Variants in GABRG3 observed in about 807,000 individuals in gnomAD.
GABRG3 encodes the protein gamma-aminobutyric acid type A receptor subunit gamma3.
A neutral mutation model predicts 48.8 loss-of-function variants in GABRG3; 25 were observed. That is an observed-to-expected ratio of 0.51 (90% CI 0.37 to 0.72). GABRG3 has a LOEUF of 0.72. Among genes scored for constraint, GABRG3 ranks in the 30% least tolerant of loss-of-function variants. The pLI is 0.00. For synonymous variants in GABRG3, 227 were observed against 217.6 expected (o/e 1.04, Z -0.38); for missense variants, 394 against 577.9 (o/e 0.68, Z 3.26).
intron 6 of GABRG3, among the ~76,000 whole-genome samples, chr15:27,487,370 A>T (rs998233794): frequency 6.6e-6 from 1 of 152,208 alleles, no homozygotes; most frequent in African/African-American, 2.4e-5. Flanking sequence ...TATGGTTTTT[A>T]TTTGGCTCTC....
At chr15:27,306,767 C>CAT (rs543096147) in intron 3 of GABRG3, among the ~76,000 whole-genome samples, 1,233 of 35,742 alleles carry the variant, frequency 0.034, 49 homozygotes, top group Non-Finnish European at 0.07. Flanking sequence ...TATATATAAA[C>CAT]ATACAATATA....
chr15:27,105,034 A>G (rs1457799485), intron 3 of GABRG3, among the ~76,000 whole-genome samples: 3 of 152,218 alleles, frequency 2.0e-5, no homozygotes, highest in African/African-American at 7.2e-5. Flanking sequence ...GCTGTTTACA[A>G]GAAGCCCACT....
chr15:27,062,017 C>T (rs1390896993), intron 3 of GABRG3, among the ~76,000 whole-genome samples: 2 of 152,204 alleles, frequency 1.3e-5, no homozygotes, highest in African/African-American at 4.8e-5. Flanking sequence ...CTATACTTTG[C>T]CTTCTGGAGT....
chr15:27,255,550 G>A lies in GABRG3; in HGVS notation c.271-71259G>A, dbSNP rs148468243. On this transcript the variant is annotated intron_variant, in intron 3 of 9. Transcript: ENST00000615808. ...TCTGTTTCAGACCATTCCTTTTACC[G>A]ATATCTTTTCAAATGGCAGCTTGTA... 1.3e-4 allele frequency among the ~76,000 whole-genome samples: 20 copies of A among 152,226 alleles called. No individual in the cohort carries two copies. The East Asian group carries it at 2.9e-3, about 22-fold the overall frequency.
At chr15:27,254,336 G>A (rs1330267866) in intron 3 of GABRG3, among the ~76,000 whole-genome samples, 1 of 151,946 alleles carries the variant, frequency 6.6e-6, no homozygotes, top group Admixed American at 6.5e-5. Context: ...GATGCCGTCA[G>A]ATGGAGCATG....
intron 3 of GABRG3, among the ~76,000 whole-genome samples, chr15:27,041,069 G>A (rs538032603): frequency 3.9e-5 from 6 of 152,172 alleles, no homozygotes; most frequent in African/African-American, 7.2e-5. Flanking sequence ...TTGCAATGTC[G>A]AATGAACCAA....
Position 26,975,050 on chromosome 15 carries a change from T to G in GABRG3, c.54-1952T>G, listed in dbSNP as rs1251511727. On this transcript the variant is annotated intron_variant, in intron 1 of 9. Coordinates refer to ENST00000615808, the MANE Select transcript of GABRG3 (RefSeq NM_033223.5). This position sits in a 1 kb window ranked among gnomAD's most constrained non-coding sequence, Gnocchi z 4.6. Reference sequence around the variant, plus strand: ...CACCATGCCCCGCTAATTTTTTTTGTATTTTTAGTAGAGACGGGGTTTCAC... The same window carrying G: ...CACCATGCCCCGCTAATTTTTTTTGGATTTTTAGTAGAGACGGGGTTTCAC... 6.6e-6 allele frequency among the ~76,000 whole-genome samples: 1 copy of G among 151,818 alleles called. No homozygotes were observed. The highest frequency in any genetic ancestry group is 3.2e-3 in the Middle Eastern group (1 of 316).
chr15:27,532,608 C>T lies in GABRG3; in HGVS notation c.1131C>T (p.Ser377=). The change falls in exon 10 of 10, where the codon TCC becomes TCT. Residue 377 remains serine, a synonymous_variant. Coordinates refer to ENST00000615808, the MANE Select transcript of GABRG3 (RefSeq NM_033223.5). ...RISLQAPSNY[S]LLDMRPPPTA... ...ATTTTTGTTGCTTGCAGAACTATTC[C>T]CTCCTGGACATGAGGCCACCACCAA... 6.2e-7 allele frequency: 1 copy of T among 1,613,282 alleles called. No individual in the cohort carries two copies. Among genetic ancestry groups the T allele is most frequent in the Non-Finnish European group, 8.5e-7 (1 of 1,179,536 alleles).
chr15:27,176,541 AG>A (rs1476137966), intron 3 of GABRG3, among the ~76,000 whole-genome samples: 1 of 152,232 alleles, frequency 6.6e-6, no homozygotes, highest in Non-Finnish European at 1.5e-5. Flanking sequence ...AGGAACTGCA[AG>A]TAAAGGCATG....
At chr15:27,449,698 C>T (rs999036837) in intron 5 of GABRG3, among the ~76,000 whole-genome samples, 1 of 152,144 alleles carries the variant, frequency 6.6e-6, no homozygotes, top group Non-Finnish European at 1.5e-5. Context: ...GAAAAGTTAT[C>T]CACATGTACT....
intron 3 of GABRG3, among the ~76,000 whole-genome samples, chr15:27,181,740 A>T (rs2140417113): frequency 6.6e-6 from 1 of 152,302 alleles, no homozygotes; most frequent in Middle Eastern, 3.4e-3. Flanking sequence ...GTAGGAAAAC[A>T]GCAGTGGACA....
At chr15:27,458,035 C>G (rs771280180) in intron 5 of GABRG3, among the ~76,000 whole-genome samples, 1 of 152,090 alleles carries the variant, frequency 6.6e-6, no homozygotes. Context: ...TCAGGCCCCC[C>G]GACTCTGGGT....
intron 3 of GABRG3, among the ~76,000 whole-genome samples, chr15:27,198,140 T>C (rs1247297582): frequency 6.6e-6 from 1 of 152,096 alleles, no homozygotes; most frequent in Non-Finnish European, 1.5e-5. Flanking sequence ...AAAGCCAAAA[T>C]TGACAAATGG....
chr15:27,374,138 C>CTTTTTTTTTTTTTTTT (rs201839822), intron 5 of GABRG3, among the ~76,000 whole-genome samples: 10 of 91,634 alleles, frequency 1.1e-4, no homozygotes, highest in African/African-American at 2.1e-4. Context: ...TTCTTTTCTT[C>CTTTTTTTTTTTTTTTT]TTTTTTTTTT....
intron 6 of GABRG3, among the ~76,000 whole-genome samples, chr15:27,499,412 T>A (rs1200671265): frequency 6.6e-6 from 1 of 152,080 alleles, no homozygotes; most frequent in Non-Finnish European, 1.5e-5. Flanking sequence ...TCACTAACTA[T>A]AAACAATGCA....
At chr15:27,059,165 C>T (rs749940770) in intron 3 of GABRG3, among the ~76,000 whole-genome samples, 49 of 152,212 alleles carry the variant, frequency 3.2e-4, no homozygotes, top group Non-Finnish European at 5.9e-4. Context: ...GGCTCTGTCA[C>T]TCCCAACACG....
intron 3 of GABRG3, among the ~76,000 whole-genome samples, chr15:27,269,859 T>C: frequency 6.6e-6 from 1 of 152,232 alleles, no homozygotes; most frequent in East Asian, 1.9e-4. Context: ...TGTCTATCTA[T>C]CTACATGTCT....
chr15:27,519,940 G>A, intron 6 of GABRG3, 32 bp from the exon 7 acceptor site: 2 of 1,424,428 alleles, frequency 1.4e-6, no homozygotes, highest in Admixed American at 3.0e-5. Context: ...ACCCATCAAA[G>A]TTGTCTTAAT....
chr15:27,478,519 A>T (rs1890016151), intron 5 of GABRG3, among the ~76,000 whole-genome samples: 1 of 152,218 alleles, frequency 6.6e-6, no homozygotes, highest in Non-Finnish European at 1.5e-5. Flanking sequence ...GTTGCAGAGG[A>T]TATGGAGAAA....
Sources: allele counts gnomAD v4.1 joint callset (sites outside exome capture counted in the v4.1 genomes callset), GRCh38; gene constraint gnomAD v4.1.1; non-coding constraint Gnocchi (gnomAD v3.1); transcripts MANE v1.5; gene names NCBI Gene and HGNC (gene_info 2026-07-23, HGNC 2026-07-21).